Variants in RGPD2 observed in about 807,000 individuals in gnomAD.
RGPD2 encodes RANBP2-like and GRIP domain-containing protein 2.
RGPD2 carries 2 observed loss-of-function variants against 36.0 expected under a neutral mutation model. The ratio of observed to expected loss-of-function variants is 0.06; its 90% confidence interval spans 0.02 to 0.17. The LOEUF is 0.17. Ranked by LOEUF, RGPD2 falls within the 10% of genes least tolerant of loss-of-function variation. RGPD2 has a pLI of 1.00. For synonymous variants in RGPD2, 19 were observed against 163.8 expected (o/e 0.12, Z 6.75); for missense variants, 40 against 464.3 (o/e 0.09, Z 8.40).
intron 1 of RGPD2, among the ~76,000 whole-genome samples, chr2:87,822,178 C>A (rs1298807474): frequency 2.0e-5 from 3 of 152,088 alleles, no homozygotes; most frequent in Admixed American, 2.0e-4. Flanking sequence ...CATGAATTCC[C>A]CAGTCTTCTT....
chr2:87,951,679 C>A, the RGPD2 span, among the ~76,000 whole-genome samples: 34 of 150,402 alleles, frequency 2.3e-4, no homozygotes, highest in Admixed American at 1.0e-3. Flanking sequence ...GAAACCTCCG[C>A]CTCCAAGCGA....
At chr2:87,763,285 G>A (rs1167572513) in intron 22 of RGPD2, among the ~76,000 whole-genome samples, 1 of 148,966 alleles carries the variant, frequency 6.7e-6, no homozygotes, top group African/African-American at 2.5e-5. Context: ...AGCCTCCCTA[G>A]TAGCTGGGAC....
At chr2:87,827,212 G>T (rs1686837386), upstream of RGPD2, among the ~76,000 whole-genome samples, 1 of 152,008 alleles carries the variant, frequency 6.6e-6, no homozygotes, top group Non-Finnish European at 1.5e-5. Flanking sequence ...GTGAAAAAAT[G>T]GATTTTAAAG....
the RGPD2 span, among the ~76,000 whole-genome samples, chr2:87,932,776 C>T: frequency 2.7e-4 from 41 of 152,074 alleles, no homozygotes; most frequent in Admixed American, 7.9e-4. Context: ...TGAATTTTAG[C>T]GCCCGATTCC....
chr2:87,886,460 A>G, the RGPD2 span, among the ~76,000 whole-genome samples: 2 of 151,768 alleles, frequency 1.3e-5, no homozygotes, highest in African/African-American at 2.4e-5. Flanking sequence ...TGTTCTGTGC[A>G]CTTACGTTAA....
the RGPD2 span, among the ~76,000 whole-genome samples, chr2:87,856,823 T>G: frequency 6.6e-6 from 1 of 152,044 alleles, no homozygotes; most frequent in South Asian, 2.1e-4. Flanking sequence ...TAGTTGTGCC[T>G]TGGTGCAGAC....
At chr2:87,913,393 TG>T in the RGPD2 span, among the ~76,000 whole-genome samples, 187 of 151,140 alleles carry the variant, frequency 1.2e-3, 1 homozygote, top group Non-Finnish European at 2.2e-3. Context: ...GGGACTGTTG[TG>T]GGGTTGGGGA....
At chr2:87,947,568 TAA>T in the RGPD2 span, among the ~76,000 whole-genome samples, 311 of 152,154 alleles carry the variant, frequency 2.0e-3, no homozygotes, top group African/African-American at 7.2e-3. Flanking sequence ...AATTTTGCTC[TAA>T]GTTTCCCTGT....
chr2:87,985,934 A>C, the RGPD2 span: 5 of 1,521,306 alleles, frequency 3.3e-6, no homozygotes, highest in Non-Finnish European at 4.5e-6. Context: ...GCAAAGATTA[A>C]TTTTAGTATT....
upstream of RGPD2, among the ~76,000 whole-genome samples, chr2:87,826,385 AATG>A (rs1398056700): frequency 9.4e-6 from 1 of 106,176 alleles, no homozygotes; most frequent in East Asian, 2.6e-4. Flanking sequence ...CTTCAATGGG[AATG>A]ATGATTAATT....
chr2:87,940,233 G>T, the RGPD2 span, among the ~76,000 whole-genome samples: 3 of 152,002 alleles, frequency 2.0e-5, no homozygotes, highest in African/African-American at 7.2e-5. Context: ...GGCTGAAGGT[G>T]CAGCTGCGCT....
the RGPD2 span, among the ~76,000 whole-genome samples, chr2:87,885,266 A>AATAGAT: frequency 6.6e-6 from 1 of 152,104 alleles, no homozygotes; most frequent in Non-Finnish European, 1.5e-5. Context: ...CCATCATCTC[A>AATAGAT]ATAGATACAA....
At chr2:87,975,103 C>T in the RGPD2 span, among the ~76,000 whole-genome samples, 8 of 152,150 alleles carry the variant, frequency 5.3e-5, no homozygotes, top group Admixed American at 5.2e-4. Context: ...TCATACCAGG[C>T]TCATTCCTGG....
chr2:87,869,844 G>A, the RGPD2 span, among the ~76,000 whole-genome samples: 1 of 152,106 alleles, frequency 6.6e-6, no homozygotes, highest in African/African-American at 2.4e-5. Flanking sequence ...TATTTAACAG[G>A]AACATTTGAT....
At chr2:87,928,976 A>G in the RGPD2 span, among the ~76,000 whole-genome samples, 1 of 151,814 alleles carries the variant, frequency 6.6e-6, no homozygotes, top group African/African-American at 2.4e-5. Flanking sequence ...TAGTTTGCAG[A>G]TATTTTCTCC....
At chr2:87,824,910 G>T (rs1389166754) in intron 1 of RGPD2, 2 of 327,320 alleles carry the variant, frequency 6.1e-6, no homozygotes, top group Non-Finnish European at 5.4e-6. Flanking sequence ...TTAAGTTAAA[G>T]ATTAAGAGAA....
chr2:87,965,862 GA>G, the RGPD2 span, among the ~76,000 whole-genome samples: 3 of 123,022 alleles, frequency 2.4e-5, no homozygotes, highest in East Asian at 6.8e-4. Flanking sequence ...AATGCTGACT[GA>G]AAAGATAAAG....
chr2:87,871,726 G>A, the RGPD2 span, among the ~76,000 whole-genome samples: 6 of 151,688 alleles, frequency 4.0e-5, no homozygotes, highest in Admixed American at 6.6e-5. Flanking sequence ...TTAGCCGGGC[G>A]TGGTGGTGCA....
the RGPD2 span, among the ~76,000 whole-genome samples, chr2:87,966,665 C>T: frequency 3.3e-3 from 505 of 152,222 alleles, no homozygotes; most frequent in African/African-American, 6.4e-3. Flanking sequence ...CAGTGGCTCA[C>T]GCCTGTAATC....
Sources: gnomAD v4.1 joint callset for allele counts (sites outside exome capture counted in the v4.1 genomes callset) on GRCh38, gnomAD v4.1.1 for gene constraint, MANE v1.5 for transcripts, NCBI Gene and HGNC (gene_info 2026-07-23, HGNC 2026-07-21) for gene names.